The following KLHL21 variants were observed in gnomAD, a reference collection of about 807,000 sequenced individuals.
The protein encoded by KLHL21 is kelch like family member 21, also known as kelch-like protein 21.
In KLHL21, 42 loss-of-function variants were observed where a neutral mutation model predicts 44.1. The ratio of observed to expected loss-of-function variants is 0.95; its 90% CI spans 0.74 to 1.23. The LOEUF is 1.23. Ranked by LOEUF, KLHL21 falls within the 50% of genes most tolerant of loss-of-function variation. KLHL21 has a pLI of 0.00. For missense variants in KLHL21, 918 were observed against 889.1 expected (o/e 1.03, Z -0.41); for synonymous variants, 524 against 411.6 (o/e 1.27, Z -3.31).
rs747658836 is a variant in KLHL21, at chr1:6,602,704, G to A, written c.114C>T (p.Thr38=). The change falls in exon 1 of 4, where the codon ACC becomes ACT. Residue 38 remains threonine (T), a synonymous_variant. Transcript: ENST00000377658. ...LRAERKFLDV[T]LEAAGGRDFP... Reference sequence around the variant, plus strand: ...AGTCGCGCCCGCCCGCCGCCTCCAGGGTCACGTCCAGGAACTTGCGCTCGG... The same window carrying A: ...AGTCGCGCCCGCCCGCCGCCTCCAGAGTCACGTCCAGGAACTTGCGCTCGG... 6.6e-7 allele frequency: 1 copy of A among 1,514,240 alleles called. No homozygotes were observed. Among genetic ancestry groups the A allele is most frequent in the Non-Finnish European group, 8.8e-7 (1 of 1,138,644 alleles). The allele number at this position is 1,514,240 out of a possible 1,614,324, so 93.8% of individuals were successfully genotyped here. A position where few individuals can be genotyped will look rare whatever the true frequency, so the allele number is the denominator to read the frequency against.
rs1641028859 is a variant in KLHL21, at chr1:6,601,975, G to A, written c.843C>T (p.Ser281=). 1.4e-5 allele frequency: 22 copies of A among 1,553,470 alleles called. No individual in the cohort carries two copies. Among genetic ancestry groups the A allele is most frequent in the Non-Finnish European group, 1.9e-5 (22 of 1,148,482 alleles). The change falls in exon 1 of 4, where the codon TCC becomes TCT. Residue 281 remains serine (S), a synonymous_variant. Transcript: ENST00000377658. ...GCACGAGGATCTCGGCGAGACCGGT[G>A]GACGGGCGAGGACGCATTCGGGGAC... is the stretch of plus-strand genomic sequence containing the variant. The part of the protein sequence containing the change: ...GPCPRMRPRP[S]TGLAEILVLV...
Position 6,601,848 on chromosome 1 carries a change from G to C in KLHL21, c.970C>G (p.Leu324Val). 3 of 1,583,336 alleles carry C rather than the reference G, an allele frequency of 1.9e-6. No homozygotes were observed. The highest frequency in any genetic ancestry group is 1.7e-6 in the Non-Finnish European group (2 of 1,165,752). The change falls in exon 1 of 4, where the codon CTG (leucine) becomes GTG (valine). Residue 324 changes from leucine to valine, a missense_variant. Coordinates refer to ENST00000377658, the MANE Select transcript of KLHL21 (RefSeq NM_014851.4). ...WRYLAEFPDH[L>V]GGGYSIVALG... is the part of the protein sequence containing the mutation. ...GCCACGATGCTGTAGCCTCCGCCCA[G>C]GTGGTCTGGGAACTCGGCCAGGTAG...
intron 1 of KLHL21, 46 bp downstream of exon 1, chr1:6,601,751 G>A (rs1182097228): frequency 6.7e-7 from 1 of 1,489,774 alleles, no homozygotes; most frequent in South Asian, 1.3e-5. Context: ...TCCCGTACCG[G>A]CGAGGTTCAA....
In KLHL21 at chr1:6,601,865, G is replaced by A; in HGVS notation, c.953C>T (p.Ala318Val). Reference sequence around the variant, plus strand: ...TCCGCCCAGGTGGTCTGGGAACTCGGCCAGGTAGCGCCACTGACCCGTCTG... The same window carrying A: ...TCCGCCCAGGTGGTCTGGGAACTCGACCAGGTAGCGCCACTGACCCGTCTG... The part of the protein sequence containing the change: ...NPQTGQWRYL[A>V]EFPDHLGGGY... The change falls in exon 1 of 4, where the codon GCC becomes GTC. Residue 318 changes from alanine (A) to valine (V), a missense_variant. Transcript: ENST00000377658. 3 of 1,575,614 alleles carry A rather than the reference G, an allele frequency of 1.9e-6. No homozygotes were observed. Among genetic ancestry groups the A allele is most frequent in the Non-Finnish European group, 1.7e-6 (2 of 1,161,556 alleles).
rs924951262 is a variant in KLHL21, at chr1:6,597,701, C to T, written c.1427+1346G>A. Among the ~76,000 whole-genome samples, 37 of 152,194 alleles carry T rather than the reference C, an allele frequency of 2.4e-4. 1 individual carries two copies. Among genetic ancestry groups the T allele is most frequent in the African/African-American group, 8.4e-4 (35 of 41,444 alleles). On this transcript the variant is annotated intron_variant, in intron 2 of 3. Coordinates refer to ENST00000377658, the MANE Select transcript of KLHL21 (RefSeq NM_014851.4). ...CAAGGCCAGGGCAGCTCTGGCAGTGCGAGGCAGGGGGCCAAGGAGCAGGGA... is the reference window on the plus strand; with the variant it reads ...CAAGGCCAGGGCAGCTCTGGCAGTGTGAGGCAGGGGGCCAAGGAGCAGGGA...
At position 6,602,004 on chromosome 1, in the gene KLHL21, G is replaced by C; in HGVS notation, c.814C>G (p.Pro272Ala). 1.3e-6 allele frequency: 2 copies of C among 1,542,680 alleles called. No homozygotes were observed. Among genetic ancestry groups the C allele is most frequent in the Non-Finnish European group, 1.8e-6 (2 of 1,141,862 alleles). The part of the protein sequence containing the change: ...AARYDRHDRG[P>A]CPRMRPRPST... ...GGGCGAGGACGCATTCGGGGACAGG[G>C]CCCGCGGTCGTGGCGGTCGTAGCGC... The change falls in exon 1 of 4, where the codon CCC becomes GCC. Residue 272 changes from proline (P) to alanine (A), a missense_variant. Pro to Ala is a conservative substitution (Grantham distance 27). Coordinates refer to ENST00000377658, the MANE Select transcript of KLHL21 (RefSeq NM_014851.4).
intron 2 of KLHL21, among the ~76,000 whole-genome samples, chr1:6,596,445 AAAAG>A (rs997958957): frequency 1.7e-4 from 26 of 152,206 alleles, no homozygotes; most frequent in African/African-American, 5.1e-4. Context: ...AAAAACAAAA[AAAAG>A]AAACAAAGAT....
intron 2 of KLHL21, 21 bp from the exon 3 acceptor site, chr1:6,595,578 G>C (rs1177958307): frequency 6.2e-7 from 1 of 1,608,780 alleles, no homozygotes; most frequent in African/African-American, 1.3e-5. Context: ...GGCAGCAGGA[G>C]GACAACTGCT....
Position 6,599,251 on chromosome 1 carries a change from A to G in KLHL21, c.1223T>C (p.Met408Thr). ...TTDSWEALQP[M>T]TYPMDNCSTT... Reference sequence around the variant, plus strand: ...GGAGCAGTTGTCCATGGGGTAGGTCATGGGCTGCAGGGCCTCCCAGGAGTC... The same window carrying G: ...GGAGCAGTTGTCCATGGGGTAGGTCGTGGGCTGCAGGGCCTCCCAGGAGTC... Residue 408 changes from methionine to threonine, a missense_variant, in exon 2 of 4, where the codon ATG (methionine) becomes ACG (threonine). Physicochemically the swap from Met to Thr is moderately conservative, Grantham distance 81. Transcript: ENST00000377658. 1 of 1,614,052 alleles carries G rather than the reference A, an allele frequency of 6.2e-7. No homozygotes were observed. The highest frequency in any genetic ancestry group is 1.7e-5 in the Admixed American group (1 of 60,014).
rs1467195074 is a variant in KLHL21, at chr1:6,602,855, G to A, written c.-38C>T. 8 of 1,381,708 alleles carry A rather than the reference G, an allele frequency of 5.8e-6. No homozygotes were observed. The Admixed American group carries it at 1.1e-4, about 19-fold the overall frequency. 85.6% of individuals were successfully genotyped at this position (1,381,708 alleles called of 1,614,324 possible). The stretch of plus-strand genomic sequence containing the variant: ...AGGTTGTCGAGGACGCCGCGGCCGG[G>A]GCCTGCGGAGAGACGCGGCGCGCTA... On this transcript the variant is annotated 5_prime_UTR_variant, in exon 1 of 4. Transcript: ENST00000377658.
At position 6,593,071 on chromosome 1, in the gene KLHL21, G is replaced by A. The variant is rs910796660; in HGVS notation, c.*294C>T. ...GATGACAACGGCAGGAGGGGTGTGC[G>A]CCGCGTGGGTGAGCTGTGATCCGCG... is the stretch of plus-strand genomic sequence containing the variant. On this transcript the variant is annotated 3_prime_UTR_variant, in exon 4 of 4. Transcript: ENST00000377658. 1.4e-5 allele frequency: 6 copies of A among 416,112 alleles called. No homozygotes were observed. The highest frequency in any genetic ancestry group is 9.8e-5 in the African/African-American group (5 of 51,054). The allele number at this position is 416,112 out of a possible 1,614,324, so 25.8% of individuals were successfully genotyped here.
At position 6,602,705 on chromosome 1, in the gene KLHL21, G is replaced by T; in HGVS notation, c.113C>A (p.Thr38Asn). ...GTCGCGCCCGCCCGCCGCCTCCAGG[G>T]TCACGTCCAGGAACTTGCGCTCGGC... The part of the protein sequence containing the change: ...LRAERKFLDV[T>N]LEAAGGRDFP... The change falls in exon 1 of 4, where the codon ACC (threonine) becomes AAC (asparagine). Residue 38 changes from threonine (T) to asparagine (N), a missense_variant. Coordinates refer to ENST00000377658, the MANE Select transcript of KLHL21 (RefSeq NM_014851.4). The T allele has an allele frequency of 6.6e-7, 1 of 1,514,546 alleles. No individual in the cohort carries two copies. Among genetic ancestry groups the T allele is most frequent in the South Asian group, 1.2e-5 (1 of 81,926 alleles). 93.8% of individuals were successfully genotyped at this position (1,514,546 alleles called of 1,614,324 possible).
rs1363091087 is a variant in KLHL21, at chr1:6,599,426, C to G, written c.1048G>C (p.Asp350His). Residue 350 changes from aspartate to histidine, a missense_variant, in exon 2 of 4, where the codon GAC becomes CAC. Coordinates refer to ENST00000377658, the MANE Select transcript of KLHL21 (RefSeq NM_014851.4). ...TGGSDGSRLY[D>H]CVWRYNSSVN... ...CTTGAGTTGTACCTCCACACGCAGTCATAGAGCCGGGAGCCATCGGACCCA... is the reference window on the plus strand; with the variant it reads ...CTTGAGTTGTACCTCCACACGCAGTGATAGAGCCGGGAGCCATCGGACCCA... 2.5e-6 allele frequency: 4 copies of G among 1,609,982 alleles called. No individual in the cohort carries two copies. Among genetic ancestry groups the G allele is most frequent in the Non-Finnish European group, 3.4e-6 (4 of 1,177,744 alleles).
intron 3 of KLHL21, 65 bp from the exon 4 acceptor site, chr1:6,593,723 G>T (rs1640887168): frequency 6.7e-7 from 1 of 1,492,114 alleles, no homozygotes; most frequent in Admixed American, 2.3e-5. Flanking sequence ...CCCACCTGGG[G>T]AACCACTGGA....
chr1:6,601,156 G>A (rs746845230), intron 1 of KLHL21, among the ~76,000 whole-genome samples: 4 of 152,194 alleles, frequency 2.6e-5, no homozygotes, highest in Non-Finnish European at 5.9e-5. Context: ...AACCGTAGAA[G>A]CCCAAACTCA....
In KLHL21 at chr1:6,591,169, G is replaced by A. The variant is rs1640843355; in HGVS notation, c.*2196C>T. On this transcript the variant is annotated 3_prime_UTR_variant, in exon 4 of 4. Coordinates refer to ENST00000377658, the MANE Select transcript of KLHL21 (RefSeq NM_014851.4). ...CCAGCTGGTGTCCACAGGCTAGAGG[G>A]ACCCATTGCTGCAGAGGCTGGTGCC... 1 of 396,110 alleles carries A rather than the reference G, an allele frequency of 2.5e-6. No homozygotes were observed. Among genetic ancestry groups the A allele is most frequent in the Non-Finnish European group, 4.4e-6 (1 of 225,022 alleles). The allele number at this position is 396,110 out of a possible 1,614,324, so 24.5% of individuals were successfully genotyped here.
intron 1 of KLHL21, among the ~76,000 whole-genome samples, chr1:6,601,231 G>A (rs559084560): frequency 5.3e-5 from 8 of 152,362 alleles, no homozygotes; most frequent in East Asian, 3.9e-4. Flanking sequence ...GTAACTGGAA[G>A]AAAACCTCTT....
At position 6,593,495 on chromosome 1, in the gene KLHL21, C is replaced by T; in HGVS notation, c.1664G>A (p.Ser555Asn). Reference protein sequence around the residue: ...RLPEPTFWHGSVSIFRQFMPQ... With the variant: ...RLPEPTFWHGNVSIFRQFMPQ... ...CATGAACTGGCGGAAGATGCTGACACTGCCATGCCAGAAGGTGGGTTCTGG... is the reference window on the plus strand; with the variant it reads ...CATGAACTGGCGGAAGATGCTGACATTGCCATGCCAGAAGGTGGGTTCTGG... Residue 555 changes from serine to asparagine, a missense_variant, in exon 4 of 4, where the codon AGT becomes AAT. By Grantham distance (46) the Ser-to-Asn change is conservative (BLOSUM62 1). Transcript: ENST00000377658. The T allele has an allele frequency of 6.2e-7, 1 of 1,613,868 alleles. No homozygotes were observed. Among genetic ancestry groups the T allele is most frequent in the Non-Finnish European group, 8.5e-7 (1 of 1,180,030 alleles).
rs998680645 is a variant in KLHL21 at position 6,596,425 on chromosome 1, ACTT to A, written c.1428-871_1428-869del. Among the ~76,000 whole-genome samples the A allele has an allele frequency of 1.3e-4, 20 of 152,208 alleles. 1 individual carries two copies. Among genetic ancestry groups the A allele is most frequent in the Admixed American group, 1.2e-3 (19 of 15,278 alleles). On this transcript the variant is annotated intron_variant, in intron 2 of 3. Coordinates refer to ENST00000377658, the MANE Select transcript of KLHL21 (RefSeq NM_014851.4). ...CAGCCTGGGAGGCATAGTGAGTGAG[ACTT>A]CGTCTCAAAAACAAAAAAAAGAAAC...
Sources: gnomAD v4.1 joint callset for allele counts (sites outside exome capture counted in the v4.1 genomes callset) on GRCh38, gnomAD v4.1.1 for gene constraint, MANE v1.5 for transcripts, NCBI Gene and HGNC (gene_info 2026-07-23, HGNC 2026-07-21) for gene names.